CACNB2: variants seen among roughly 807,000 people sequenced by gnomAD.
CACNB2 encodes the protein voltage-dependent L-type calcium channel subunit beta-2.
CACNB2 carries 42 observed loss-of-function variants against 73.3 expected under a neutral mutation model. The ratio of observed to expected loss-of-function variants is 0.57; its 90% CI spans 0.45 to 0.74. The LOEUF is 0.74. Among genes scored for constraint, CACNB2 ranks in the 30% least tolerant of loss-of-function variants. The pLI is 0.00. For missense variants in CACNB2, 940 were observed against 853.0 expected, an observed-to-expected ratio of 1.10 and a Z score of -1.27; for synonymous variants, 348 against 310.3, an observed-to-expected ratio of 1.12 and a Z score of -1.28.
chr10:18,228,417 G>A (rs1320802420), intron 2 of CACNB2, among the ~76,000 whole-genome samples: 38 of 35,208 alleles, frequency 1.1e-3, no homozygotes, highest in African/African-American at 3.6e-3. Context: ...TGAGCAACAA[G>A]AGCAAAACTC....
At chr10:18,384,230 G>A (rs575174640) in intron 2 of CACNB2, among the ~76,000 whole-genome samples, 3 of 152,236 alleles carry the variant, frequency 2.0e-5, no homozygotes, top group Admixed American at 6.5e-5. Flanking sequence ...CTGTGGTCAT[G>A]TTTTGAGGGC....
intron 2 of CACNB2, among the ~76,000 whole-genome samples, chr10:18,347,189 A>C (rs2080670557): frequency 6.6e-6 from 1 of 151,886 alleles, no homozygotes; most frequent in African/African-American, 2.4e-5. Flanking sequence ...TTTATTTTTG[A>C]GACGGAGTTT....
intron 2 of CACNB2, among the ~76,000 whole-genome samples, chr10:18,218,057 G>A (rs1342879423): frequency 1.3e-5 from 2 of 152,116 alleles, no homozygotes; most frequent in African/African-American, 4.8e-5. Context: ...CATTCTAAAG[G>A]TTTGGGGGAG....
chr10:18,422,582 G>C (rs1011446683), intron 3 of CACNB2, among the ~76,000 whole-genome samples: 2 of 152,004 alleles, frequency 1.3e-5, no homozygotes, highest in African/African-American at 2.4e-5. Flanking sequence ...CAAATAACTT[G>C]TTTGTGTATT....
intron 3 of CACNB2, among the ~76,000 whole-genome samples, chr10:18,481,102 C>T (rs748997151): frequency 1.3e-5 from 2 of 148,672 alleles, no homozygotes; most frequent in African/African-American, 5.0e-5. Context: ...GTGCTCATCA[C>T]GCTTGTGTGC....
intron 1 of CACNB2, among the ~76,000 whole-genome samples, chr10:18,147,912 C>CA (rs1199655130): frequency 1.3e-5 from 2 of 151,974 alleles, no homozygotes; most frequent in Non-Finnish European, 2.9e-5. Context: ...TTTAAATACA[C>CA]ATTAGATTAA....
At chr10:18,486,347 G>A (rs1395063531) in intron 3 of CACNB2, among the ~76,000 whole-genome samples, 2 of 152,170 alleles carry the variant, frequency 1.3e-5, no homozygotes, top group Non-Finnish European at 2.9e-5. Flanking sequence ...AAATTATAAT[G>A]TGTTTATTCT....
intron 2 of CACNB2, among the ~76,000 whole-genome samples, chr10:18,392,314 T>C (rs1780100251): frequency 6.6e-6 from 1 of 151,986 alleles, no homozygotes; most frequent in Admixed American, 6.6e-5. Context: ...GGAAGTCAAG[T>C]TGAGAAAATG....
intron 2 of CACNB2, among the ~76,000 whole-genome samples, chr10:18,384,717 G>A (rs571915803): frequency 6.6e-6 from 1 of 150,636 alleles, no homozygotes; most frequent in Non-Finnish European, 1.5e-5. Flanking sequence ...GTGACAGAGT[G>A]AGACCCTGTC....
At chr10:18,374,348 G>C (rs1182228062) in intron 2 of CACNB2, among the ~76,000 whole-genome samples, 1 of 152,206 alleles carries the variant, frequency 6.6e-6, no homozygotes, top group East Asian at 1.9e-4. Flanking sequence ...GATTGATCCT[G>C]AATTAATAAG....
chr10:18,245,096 T>TC (rs1554776482), intron 2 of CACNB2, among the ~76,000 whole-genome samples: 40 of 151,534 alleles, frequency 2.6e-4, no homozygotes, highest in Admixed American at 1.6e-3. Context: ...TTTTTTTTTT[T>TC]CCCCAGTAAG....
intron 2 of CACNB2, among the ~76,000 whole-genome samples, chr10:18,347,782 T>C (rs143337751): frequency 6.6e-6 from 1 of 152,260 alleles, no homozygotes; most frequent in East Asian, 1.9e-4. Context: ...CAACCTGAAA[T>C]CTGATGAGCC....
rs188483480 is a variant in CACNB2 at position 18,208,949 on chromosome 10, T to A, written c.213+57974T>A. Among the ~76,000 whole-genome samples, 5 of 152,330 alleles carry A rather than the reference T, an allele frequency of 3.3e-5. No individual in the cohort carries two copies. The South Asian group carries it at 1.0e-3, about 32-fold the overall frequency. On this transcript the variant is annotated intron_variant, in intron 2 of 13. Coordinates refer to ENST00000324631, the MANE Select transcript of CACNB2 (RefSeq NM_201596.3). ...TTCTGGTGGGATTCTCTGGAGCACA[T>A]CATCGTTGGCATTTGATGACTGTAA... is the stretch of plus-strand genomic sequence containing the variant.
rs940925069 is a variant in CACNB2, at chr10:18,390,682, A to G, written c.214-11242A>G. ...AACATTCTGAATTATTATAAGTTAT[A>G]TGTATAGTCATATTTTCTGCTGTAA... is the stretch of plus-strand genomic sequence containing the variant. On this transcript the variant is annotated intron_variant, in intron 2 of 13. Transcript: ENST00000324631. Among the ~76,000 whole-genome samples the G allele has an allele frequency of 2.6e-5, 4 of 152,188 alleles. No individual in the cohort carries two copies. The East Asian group carries it at 5.8e-4, about 22-fold the overall frequency.
chr10:18,519,699 T>G, intron 9 of CACNB2: 1 of 456,100 alleles, frequency 2.2e-6, no homozygotes, highest in Non-Finnish European at 4.4e-6. Context: ...GTCTCATTTT[T>G]TTTTCTTTTC....
chr10:18,296,016 TTTTTTTTTA>T (rs2039268577), intron 2 of CACNB2, among the ~76,000 whole-genome samples: 1 of 148,848 alleles, frequency 6.7e-6, no homozygotes, highest in African/African-American at 2.5e-5. Flanking sequence ...TTTTTTTTTT[TTTTTTTTTA>T]CCCTCCGTGA....
At chr10:18,265,922 A>G (rs1306142783) in intron 2 of CACNB2, among the ~76,000 whole-genome samples, 1 of 152,210 alleles carries the variant, frequency 6.6e-6, no homozygotes, top group Non-Finnish European at 1.5e-5. Context: ...GCTTTTATTA[A>G]TAAATGACTA....
chr10:18,141,122 C>T lies in CACNB2; in HGVS notation c.120+266C>T. On this transcript the variant is annotated intron_variant, in intron 1 of 13. Coordinates refer to ENST00000324631, the MANE Select transcript of CACNB2 (RefSeq NM_201596.3). Reference sequence around the variant, plus strand: ...GACCTGCCAGTCCTCCCAGACTTCTCCCGGGTTGCTCCAGCTGGCCCTCCT... The same window carrying T: ...GACCTGCCAGTCCTCCCAGACTTCTTCCGGGTTGCTCCAGCTGGCCCTCCT... 2 of 1,548,946 alleles carry T rather than the reference C, an allele frequency of 1.3e-6. 1 individual carries two copies. The highest frequency in any genetic ancestry group is 2.4e-5 in the South Asian group (2 of 84,006).
intron 2 of CACNB2, among the ~76,000 whole-genome samples, chr10:18,337,117 TTTC>T (rs765899739): frequency 5.3e-5 from 8 of 152,096 alleles, no homozygotes; most frequent in Non-Finnish European, 7.4e-5. Flanking sequence ...TTTTCTCTTC[TTTC>T]TTCTTCTTTT....
Sources: allele counts gnomAD v4.1 joint callset (sites outside exome capture counted in the v4.1 genomes callset), GRCh38; gene constraint gnomAD v4.1.1; transcripts MANE v1.5; gene names NCBI Gene and HGNC (gene_info 2026-07-23, HGNC 2026-07-21).